Variants in KMT2C observed in about 807,000 individuals in gnomAD.
KMT2C encodes the protein histone-lysine N-methyltransferase 2C.
A neutral mutation model predicts 507.9 loss-of-function variants in KMT2C; 88 were observed. The ratio of observed to expected loss-of-function variants is 0.17; its 90% confidence interval spans 0.15 to 0.21. The LOEUF (loss-of-function observed/expected upper bound fraction) is 0.21, where lower values mean the gene tolerates loss of function less well. Among genes scored for constraint, KMT2C ranks in the 10% least tolerant of loss-of-function variants. The pLI is 1.00. For synonymous variants in KMT2C, 2,049 were observed against 2,080.8 expected, an observed-to-expected ratio of 0.98 and a Z score of 0.42; for missense variants, 4,954 against 5,957.8, an observed-to-expected ratio of 0.83 and a Z score of 5.55.
intron 6 of KMT2C, among the ~76,000 whole-genome samples, chr7:152,291,322 TG>T (rs1450901926): frequency 2.0e-5 from 3 of 152,288 alleles, no homozygotes; most frequent in Non-Finnish European, 4.4e-5. Flanking sequence ...GATTTGATGA[TG>T]AAGTCCACAA....
intron 25 of KMT2C, among the ~76,000 whole-genome samples, chr7:152,204,632 TA>T (rs1563381878): frequency 1.5e-5 from 2 of 136,170 alleles, no homozygotes; most frequent in African/African-American, 5.4e-5. Flanking sequence ...GATAGATAGA[TA>T]GATAGACAGA....
intron 2 of KMT2C, among the ~76,000 whole-genome samples, chr7:152,350,651 T>C (rs1409939339): frequency 6.6e-6 from 1 of 152,210 alleles, no homozygotes; most frequent in African/African-American, 2.4e-5. Flanking sequence ...ATGGTGCTTG[T>C]GGGACTAGAA....
In KMT2C at chr7:152,136,909, T is replaced by G. The variant is rs779818288; in HGVS notation, c.14659A>C (p.Lys4887Gln). 6.2e-7 allele frequency: 1 copy of G among 1,612,744 alleles called. No homozygotes were observed. Among genetic ancestry groups the G allele is most frequent in the African/African-American group, 1.3e-5 (1 of 74,906 alleles). ...TGCTGGTCATCTTCAAAGTCAAACT[T>G]ATAGTCATAGCAGAGCTGCCCACGG... ...QKGEELCYDY[K>Q]FDFEDDQHKI... The change falls in exon 59 of 59, where the codon AAG (lysine) becomes CAG (glutamine). Residue 4887 changes from lysine (K) to glutamine (Q), a missense_variant. This residue lies in a region of KMT2C where 133 missense variants were observed against 258.9 expected (regional missense o/e 0.51). Coordinates refer to ENST00000262189, the MANE Select transcript of KMT2C (RefSeq NM_170606.3).
chr7:152,156,424 AT>A (rs1351268556), intron 44 of KMT2C, 78 bp from the exon 45 acceptor site: 25 of 1,546,256 alleles, frequency 1.6e-5, no homozygotes, highest in Admixed American at 7.7e-5. Flanking sequence ...AGTTCTGTGA[AT>A]TTTTTGCACA....
intron 9 of KMT2C, among the ~76,000 whole-genome samples, chr7:152,260,573 T>C (rs1189849198): frequency 1.3e-5 from 2 of 152,134 alleles, no homozygotes; most frequent in Non-Finnish European, 2.9e-5. Context: ...TATGATTAAA[T>C]TTTTTAAAGT....
rs756494068 is a variant in KMT2C, at chr7:152,167,135, C to G, written c.9750+11G>C. 6.2e-7 allele frequency: 1 copy of G among 1,603,956 alleles called. No homozygotes were observed. The highest frequency in any genetic ancestry group is 1.7e-5 in the Admixed American group (1 of 59,764). On this transcript the variant is annotated intron_variant, in intron 42 of 58. Coordinates refer to ENST00000262189, the MANE Select transcript of KMT2C (RefSeq NM_170606.3). ...TGTTGGTAGTTTCTATTTTGCAAAC[C>G]TATTTATTACCTGTTCTAGCTGTTT...
At chr7:152,292,573 A>T (rs894044906) in intron 6 of KMT2C, among the ~76,000 whole-genome samples, 8 of 152,080 alleles carry the variant, frequency 5.3e-5, no homozygotes, top group Non-Finnish European at 2.9e-5. Flanking sequence ...TTCCCTTTTA[A>T]ATTTTTTTCA....
At chr7:152,242,865 T>G (rs2095410299) in intron 14 of KMT2C, among the ~76,000 whole-genome samples, 1 of 152,098 alleles carries the variant, frequency 6.6e-6, no homozygotes, top group Non-Finnish European at 1.5e-5. Flanking sequence ...CACCTCCAAA[T>G]CCTAAATCAA....
intron 37 of KMT2C, among the ~76,000 whole-genome samples, chr7:152,179,477 G>A (rs1287683802): frequency 6.6e-6 from 1 of 152,056 alleles, no homozygotes; most frequent in Non-Finnish European, 1.5e-5. Context: ...CAAAGGTAAT[G>A]TTTTCAGAGT....
intron 23 of KMT2C, among the ~76,000 whole-genome samples, chr7:152,218,108 C>A (rs562493915): frequency 6.6e-6 from 1 of 152,278 alleles, no homozygotes; most frequent in South Asian, 2.1e-4. Flanking sequence ...GTAACATAGA[C>A]CCAAAACACA....
rs114645125 is a variant in KMT2C at position 152,350,415 on chromosome 7, T to G, written c.250+8172A>C. 5.1e-3 allele frequency among the ~76,000 whole-genome samples: 781 copies of G among 152,288 alleles called. 6 individuals carry two copies. The highest frequency in any genetic ancestry group is 0.018 in the African/African-American group (744 of 41,546). On this transcript the variant is annotated intron_variant, in intron 2 of 58. Transcript: ENST00000262189. ...CTGAAATATTCATCATTAGGCAATT[T>G]TGTCACTGTTACACAAACCTAGATG...
chr7:152,415,058 C>A (rs2097720834), intron 1 of KMT2C, among the ~76,000 whole-genome samples: 1 of 151,994 alleles, frequency 6.6e-6, no homozygotes, highest in Non-Finnish European at 1.5e-5. Flanking sequence ...TTTGCCCAGA[C>A]TGATTTTGAA....
intron 7 of KMT2C, among the ~76,000 whole-genome samples, chr7:152,272,842 G>A (rs939685278): frequency 1.3e-5 from 2 of 152,074 alleles, no homozygotes; most frequent in Non-Finnish European, 1.5e-5. Context: ...CTATACTTAC[G>A]TTTCACAGAC....
intron 51 of KMT2C, among the ~76,000 whole-genome samples, chr7:152,149,889 G>A (rs1227940412): frequency 1.3e-5 from 2 of 151,900 alleles, no homozygotes; most frequent in African/African-American, 2.4e-5. Flanking sequence ...AATCAGGCAG[G>A]GACTGCACAC....
At chr7:152,233,818 G>A (rs1335970572) in intron 16 of KMT2C, among the ~76,000 whole-genome samples, 1 of 152,190 alleles carries the variant, frequency 6.6e-6, no homozygotes, top group South Asian at 2.1e-4. Context: ...ACCTAAATAG[G>A]TACCTATTAA....
At chr7:152,299,257 A>T (rs527889783) in intron 6 of KMT2C, among the ~76,000 whole-genome samples, 280 of 152,030 alleles carry the variant, frequency 1.8e-3, no homozygotes, top group African/African-American at 6.5e-3. Flanking sequence ...GGCGGAGACT[A>T]CAGTGAGCCG....
Position 152,177,866 on chromosome 7 carries a change from T to C in KMT2C, c.7587A>G (p.Ser2529=). 6.2e-7 allele frequency: 1 copy of C among 1,613,678 alleles called. No individual in the cohort carries two copies. Among genetic ancestry groups the C allele is most frequent in the Non-Finnish European group, 8.5e-7 (1 of 1,179,928 alleles). Residue 2529 remains serine (S), a synonymous_variant, in exon 38 of 59, where the codon TCA becomes TCG. Transcript: ENST00000262189. ...SVDMPRPLNN[S]QMNNPVGLPQ... ...GAAGTCCAACTGGATTATTCATTTG[T>C]GAGTTATTTAAAGGCCTAGGCATAT...
At chr7:152,230,416 T>C in intron 16 of KMT2C, 95 bp from the exon 17 acceptor site, 3 of 562,960 alleles carry the variant, frequency 5.3e-6, no homozygotes, top group Non-Finnish European at 9.4e-6. Context: ...TCAAAACATA[T>C]ATTTTGGCTA....
At chr7:152,168,528 A>G (rs1433387446) in intron 41 of KMT2C, among the ~76,000 whole-genome samples, 1 of 152,208 alleles carries the variant, frequency 6.6e-6, no homozygotes. Context: ...CTTTTTCACA[A>G]GATTTCAGAA....
Sources: allele counts gnomAD v4.1 joint callset (sites outside exome capture counted in the v4.1 genomes callset), GRCh38; gene constraint gnomAD v4.1.1; regional missense constraint gnomAD v4.1.1; transcripts MANE v1.5; gene names NCBI Gene and HGNC (gene_info 2026-07-23, HGNC 2026-07-21).